AOAH: variants seen among roughly 807,000 people sequenced by gnomAD.
The protein encoded by AOAH is acyloxyacyl hydrolase.
Under a neutral mutation model 92.2 loss-of-function variants are expected in AOAH, and 64 were observed. The ratio of observed to expected loss-of-function variants is 0.69; its 90% CI spans 0.57 to 0.86. The LOEUF is 0.86. Ranked by LOEUF, AOAH falls within the 40% of genes least tolerant of loss-of-function variation. The pLI is 0.00. For synonymous variants in AOAH, 263 were observed against 254.5 expected, an observed-to-expected ratio of 1.03 and a Z score of -0.32; for missense variants, 656 against 694.6, an observed-to-expected ratio of 0.94 and a Z score of 0.62.
chr7:36,647,832 G>C (rs1279720293), intron 4 of AOAH, among the ~76,000 whole-genome samples: 1 of 147,118 alleles, frequency 6.8e-6, no homozygotes, highest in Admixed American at 6.7e-5. Flanking sequence ...AGTTCCCTTA[G>C]AGTTCTTTTT....
At chr7:36,607,005 A>G (rs372944323) in intron 11 of AOAH, among the ~76,000 whole-genome samples, 15 of 152,174 alleles carry the variant, frequency 9.9e-5, no homozygotes, top group Admixed American at 6.5e-5. Flanking sequence ...TACTCTCTTT[A>G]TTGAACTACA....
intron 11 of AOAH, among the ~76,000 whole-genome samples, chr7:36,602,735 G>T (rs769217662): frequency 1.3e-5 from 2 of 152,116 alleles, no homozygotes; most frequent in African/African-American, 4.8e-5. Flanking sequence ...CTGGGATGTG[G>T]GTAGTTTTTC....
chr7:36,631,319 C>T (rs1336424889), intron 6 of AOAH, among the ~76,000 whole-genome samples: 2 of 151,206 alleles, frequency 1.3e-5, no homozygotes, highest in Non-Finnish European at 1.5e-5. Flanking sequence ...TGCACTCCAG[C>T]CTGGGCAACA....
At chr7:36,719,385 T>G (rs1366137118) in intron 1 of AOAH, among the ~76,000 whole-genome samples, 1 of 152,162 alleles carries the variant, frequency 6.6e-6, no homozygotes, top group Admixed American at 6.5e-5. Flanking sequence ...GGGAGACCAG[T>G]AGCAAAACAA....
intron 13 of AOAH, among the ~76,000 whole-genome samples, chr7:36,558,630 A>C (rs1424312881): frequency 6.6e-6 from 1 of 152,246 alleles, no homozygotes; most frequent in Non-Finnish European, 1.5e-5. Context: ...GGCTCCACCC[A>C]GTTCGAGCTT....
intron 1 of AOAH, among the ~76,000 whole-genome samples, chr7:36,705,296 A>T (rs4286849): frequency 0.6 from 90,556 of 152,018 alleles, 27,402 homozygotes; most frequent in East Asian, 0.83. Context: ...AAGTCTCAGG[A>T]TACAAAATCA....
In AOAH at chr7:36,513,174, C is replaced by A; in HGVS notation, c.*78G>T. 6.2e-7 allele frequency: 1 copy of A among 1,613,748 alleles called. No homozygotes were observed. Among genetic ancestry groups the A allele is most frequent in the Non-Finnish European group, 8.5e-7 (1 of 1,180,022 alleles). ...TCCTTTGGGCCTGTGACGTGGCAGC[C>A]CCCATAGGGTTTGTGGAATGAGTTT... On this transcript the variant is annotated 3_prime_UTR_variant, in exon 21 of 21. Transcript: ENST00000617537.
At chr7:36,712,273 T>C (rs2116973089) in intron 1 of AOAH, among the ~76,000 whole-genome samples, 1 of 152,324 alleles carries the variant, frequency 6.6e-6, no homozygotes, top group South Asian at 2.1e-4. Context: ...CTGTGTGTGG[T>C]ATGCGGGTGT....
chr7:36,634,517 G>A lies in AOAH; in HGVS notation c.451-2411C>T, dbSNP rs141504000. Among the ~76,000 whole-genome samples the A allele has an allele frequency of 1.9e-4, 29 of 152,276 alleles. No individual in the cohort carries two copies. The East Asian group carries it at 5.6e-3, about 29-fold the overall frequency. On this transcript the variant is annotated intron_variant, in intron 5 of 20. Coordinates refer to ENST00000617537, the MANE Select transcript of AOAH (RefSeq NM_001637.4). The stretch of plus-strand genomic sequence containing the variant: ...TGAGCCCTTAAAAGGGACAGGAATT[G>A]CTCACTCGGGGAGCTCGGCTCTTGA...
chr7:36,581,699 A>G (rs539679844), intron 12 of AOAH, among the ~76,000 whole-genome samples: 1 of 152,322 alleles, frequency 6.6e-6, no homozygotes, highest in South Asian at 2.1e-4. Context: ...TGAAGAGTAA[A>G]TAGTGTAGGT....
Position 36,637,836 on chromosome 7 carries a change from G to C in AOAH, c.450+15C>G. 2 of 1,612,882 alleles carry C rather than the reference G, an allele frequency of 1.2e-6. No homozygotes were observed. The highest frequency in any genetic ancestry group is 1.7e-6 in the Non-Finnish European group (2 of 1,178,970). On this transcript the variant is annotated intron_variant, in intron 5 of 20. Coordinates refer to ENST00000617537, the MANE Select transcript of AOAH (RefSeq NM_001637.4). ...GCCAAGGAAAAGGCTGGCGTTCTAC[G>C]TGCTTAGTGCTTACCAGAATCGGGG...
chr7:36,520,012 A>G (rs1313248590), intron 20 of AOAH, among the ~76,000 whole-genome samples: 1 of 152,240 alleles, frequency 6.6e-6, no homozygotes, highest in Non-Finnish European at 1.5e-5. Context: ...GGCAGGCTTT[A>G]GGCCTGGCTA....
rs766644181 is a variant in AOAH at position 36,659,259 on chromosome 7, G to A, written c.297C>T (p.Ser99=). The A allele has an allele frequency of 1.7e-5, 27 of 1,613,480 alleles. No individual in the cohort carries two copies. The East Asian group carries it at 3.6e-4, about 21-fold the overall frequency. The change falls in exon 4 of 21, where the codon AGC becomes AGT. Residue 99 remains serine (S), a synonymous_variant. Transcript: ENST00000617537. ...ATACCACATCAGCATTCATATCTGC[G>A]CTAAGCCTGGAGGGAAACGGTGCAA... is the stretch of plus-strand genomic sequence containing the variant. ...KFGSDIIKLL[S]ADMNADVVCH...
At chr7:36,557,582 TC>T (rs1786850351) in intron 13 of AOAH, among the ~76,000 whole-genome samples, 3 of 152,256 alleles carry the variant, frequency 2.0e-5, no homozygotes, top group South Asian at 4.1e-4. Context: ...TAGAGTGTTT[TC>T]CAACTTGGTT....
At chr7:36,562,066 A>G (rs777006881) in intron 13 of AOAH, among the ~76,000 whole-genome samples, 8 of 152,228 alleles carry the variant, frequency 5.3e-5, no homozygotes, top group Non-Finnish European at 1.0e-4. Context: ...TCTTTGCTCC[A>G]AAGTTCTTGC....
At chr7:36,637,747 G>A in intron 5 of AOAH, 104 bp downstream of exon 5, 1 of 1,016,608 alleles carries the variant, frequency 9.8e-7, no homozygotes, top group Non-Finnish European at 1.5e-6. Flanking sequence ...GCATGTTGCA[G>A]GCTTATATCC....
Position 36,637,708 on chromosome 7 carries a change from A to G in AOAH, c.450+143T>C, listed in dbSNP as rs73687599. 9.4e-3 allele frequency: 7,011 copies of G among 744,422 alleles called. 344 individuals are homozygous for G. The African/African-American group carries it at 0.11, about 12-fold the overall frequency. The allele number at this position is 744,422 out of a possible 1,614,324, so 46.1% of individuals were successfully genotyped here. A position where few individuals can be genotyped will look rare whatever the true frequency, so the allele number is the denominator to read the frequency against. ...GGAAACACAAGTGGAAGCAGTTCACATTCCTACTTCCATCCCCACGTAGCT... is the reference window on the plus strand; with the variant it reads ...GGAAACACAAGTGGAAGCAGTTCACGTTCCTACTTCCATCCCCACGTAGCT... On this transcript the variant is annotated intron_variant, in intron 5 of 20. Coordinates refer to ENST00000617537, the MANE Select transcript of AOAH (RefSeq NM_001637.4).
chr7:36,577,516 A>G (rs565702536), intron 12 of AOAH, among the ~76,000 whole-genome samples: 56 of 152,178 alleles, frequency 3.7e-4, no homozygotes, highest in Admixed American at 6.5e-5. Context: ...AAACTCATAT[A>G]TGTTGAATCT....
intron 3 of AOAH, chr7:36,661,399 GAACCCAGA>G (rs1468535279): frequency 6.6e-6 from 1 of 152,200 alleles, no homozygotes; most frequent in Non-Finnish European, 1.5e-5. Context: ...TCTGAGGGCA[GAACCCAGA>G]GGACGTGCAG....
Sources: gnomAD v4.1 joint callset for allele counts (sites outside exome capture counted in the v4.1 genomes callset) on GRCh38, gnomAD v4.1.1 for gene constraint, MANE v1.5 for transcripts, NCBI Gene and HGNC (gene_info 2026-07-23, HGNC 2026-07-21) for gene names.